AP3B1: variants seen among roughly 807,000 people sequenced by gnomAD.
AP3B1 encodes adaptor related protein complex 3 subunit beta 1.
In AP3B1, 61 loss-of-function variants were observed where a neutral mutation model predicts 132.5. That is an observed-to-expected ratio of 0.46 (90% CI 0.37 to 0.57). AP3B1 has a LOEUF of 0.57. Ranked by LOEUF, AP3B1 falls within the 20% of genes least tolerant of loss-of-function variation. AP3B1 has a pLI of 0.00. For synonymous variants in AP3B1, 388 were observed against 438.3 expected, an observed-to-expected ratio of 0.89 and a Z score of 1.43; for missense variants, 1,120 against 1,289.4, an observed-to-expected ratio of 0.87 and a Z score of 2.01.
At chr5:78,251,013 G>C (rs992815044) in intron 2 of AP3B1, among the ~76,000 whole-genome samples, 2 of 152,048 alleles carry the variant, frequency 1.3e-5, no homozygotes, top group African/African-American at 4.8e-5. Flanking sequence ...CACATAATAG[G>C]AAGGCTAAGA....
chr5:78,124,736 G>T (rs1001920543), intron 17 of AP3B1, among the ~76,000 whole-genome samples: 2 of 152,146 alleles, frequency 1.3e-5, no homozygotes, highest in Non-Finnish European at 2.9e-5. Flanking sequence ...TGTCTACAAA[G>T]ATAGTATTCT....
At chr5:78,096,984 G>A (rs1191912585) in intron 21 of AP3B1, among the ~76,000 whole-genome samples, 1 of 141,914 alleles carries the variant, frequency 7.0e-6, no homozygotes, top group African/African-American at 2.7e-5. Context: ...CCCTCTGCCC[G>A]GCCAGCCGCC....
chr5:78,101,197 C>T (rs1451200604), intron 20 of AP3B1, among the ~76,000 whole-genome samples, 172 bp from the exon 21 acceptor site: 2 of 152,020 alleles, frequency 1.3e-5, no homozygotes, highest in Non-Finnish European at 2.9e-5. Context: ...TCTCAATTAG[C>T]ATATAGTATT....
intron 7 of AP3B1, among the ~76,000 whole-genome samples, chr5:78,212,134 GCTGGGTGTGGTGGCA>G (rs1745765794): frequency 6.6e-6 from 1 of 152,156 alleles, no homozygotes; most frequent in Non-Finnish European, 1.5e-5. Context: ...ACAAAAGTTA[GCTGGGTGTGGTGGCA>G]CATGTCTGTA....
intron 1 of AP3B1, among the ~76,000 whole-genome samples, chr5:78,276,733 G>A (rs1748792660): frequency 6.6e-6 from 1 of 152,006 alleles, no homozygotes; most frequent in South Asian, 2.1e-4. Context: ...GTCAGGCATG[G>A]TGGCATGCAC....
chr5:78,009,117 G>A (rs1364349829), intron 26 of AP3B1, among the ~76,000 whole-genome samples: 4 of 152,016 alleles, frequency 2.6e-5, no homozygotes, highest in African/African-American at 9.7e-5. Context: ...CTTCAAACAG[G>A]TATGCAATAA....
chr5:78,195,544 G>A (rs1268874980), intron 7 of AP3B1, among the ~76,000 whole-genome samples: 1 of 152,216 alleles, frequency 6.6e-6, no homozygotes, highest in African/African-American at 2.4e-5. Context: ...CACAGGCCAG[G>A]CGCAGCGGCT....
intron 2 of AP3B1, among the ~76,000 whole-genome samples, chr5:78,246,672 C>A (rs1399692102): frequency 1.3e-5 from 2 of 152,136 alleles, no homozygotes; most frequent in East Asian, 3.8e-4. Flanking sequence ...TAAATGTCAA[C>A]AGGGTCTTGC....
intron 6 of AP3B1, 35 bp from the exon 7 acceptor site, chr5:78,216,272 T>G (rs1374233632): frequency 1.9e-6 from 3 of 1,593,610 alleles, no homozygotes; most frequent in South Asian, 2.2e-5. Context: ...TATTAAAAAA[T>G]GTTTCTCCCC....
chr5:78,141,411 C>T, intron 14 of AP3B1, 92 bp from the exon 15 acceptor site: 2 of 957,768 alleles, frequency 2.1e-6, no homozygotes, highest in East Asian at 5.3e-5. Flanking sequence ...AAAAGTTTTA[C>T]AGCTATTAAT....
intron 1 of AP3B1, among the ~76,000 whole-genome samples, chr5:78,273,933 C>T (rs1258423092): frequency 1.3e-5 from 2 of 148,442 alleles, no homozygotes; most frequent in Non-Finnish European, 3.0e-5. Context: ...CCCAAAGCTT[C>T]ATCAATCATT....
At chr5:78,089,191 T>C (rs1429041037) in intron 22 of AP3B1, 5 of 513,204 alleles carry the variant, frequency 9.7e-6, no homozygotes, top group Non-Finnish European at 1.8e-5. Flanking sequence ...TAATTAAGTG[T>C]GGACAACAAG....
chr5:78,136,637 T>G (rs1160432437), intron 15 of AP3B1, among the ~76,000 whole-genome samples: 2 of 152,102 alleles, frequency 1.3e-5, no homozygotes, highest in Non-Finnish European at 2.9e-5. Flanking sequence ...TAAGCAAACC[T>G]CAAGTCTTTT....
intron 26 of AP3B1, 44 bp from the exon 27 acceptor site, chr5:78,003,099 G>T (rs766132650): frequency 1.0e-5 from 16 of 1,598,866 alleles, no homozygotes; most frequent in Non-Finnish European, 1.4e-5. Flanking sequence ...AGATGGGGAG[G>T]GTAAAGGAGA....
chr5:78,239,778 CAAA>C (rs560151932), intron 3 of AP3B1, among the ~76,000 whole-genome samples: 2 of 77,340 alleles, frequency 2.6e-5, no homozygotes. Context: ...GACTCTGTCT[CAAA>C]AAAAAAAAAA....
At chr5:78,171,093 A>G (rs1267437242) in intron 11 of AP3B1, among the ~76,000 whole-genome samples, 6 of 152,072 alleles carry the variant, frequency 3.9e-5, no homozygotes, top group East Asian at 1.9e-4. Context: ...ATTGGTCTAT[A>G]TATCTGTTTT....
At chr5:78,233,424 G>A (rs1051205157) in intron 3 of AP3B1, among the ~76,000 whole-genome samples, 2 of 150,864 alleles carry the variant, frequency 1.3e-5, no homozygotes, top group African/African-American at 2.4e-5. Flanking sequence ...AGTAGAGAAC[G>A]GGGTTTCATC....
chr5:78,162,789 C>T (rs781561231), intron 13 of AP3B1, 30 bp downstream of exon 13: 2 of 1,610,954 alleles, frequency 1.2e-6, no homozygotes, highest in African/African-American at 1.3e-5. Context: ...ATTTAAATCA[C>T]CTGAAAATAA....
chr5:78,033,763 T>G (rs1361318086), intron 24 of AP3B1, among the ~76,000 whole-genome samples: 1 of 151,892 alleles, frequency 6.6e-6, no homozygotes, highest in Non-Finnish European at 1.5e-5. Context: ...TAGAAAAACA[T>G]TAACAACAAA....
Sources: gnomAD v4.1 joint callset for allele counts (sites outside exome capture counted in the v4.1 genomes callset) on GRCh38, gnomAD v4.1.1 for gene constraint, MANE v1.5 for transcripts, NCBI Gene and HGNC (gene_info 2026-07-23, HGNC 2026-07-21) for gene names.